CNTN5: variants seen among roughly 807,000 people sequenced by gnomAD.
CNTN5 encodes contactin-5.
CNTN5 carries 77 observed loss-of-function variants against 129.1 expected under a neutral mutation model. That is an observed-to-expected ratio of 0.60 (90% CI 0.50 to 0.72). The LOEUF (loss-of-function observed/expected upper bound fraction) is 0.72. CNTN5 is among the 30% of genes least tolerant of loss of function. The pLI is 0.00. For synonymous variants in CNTN5, 509 were observed against 465.6 expected (o/e 1.09, Z -1.20); for missense variants, 1,478 against 1,328.8 (o/e 1.11, Z -1.75).
In CNTN5 at chr11:99,481,097, G is replaced by T. The variant is rs1158686; in HGVS notation, c.-70-75048G>T. 2.6e-5 allele frequency among the ~76,000 whole-genome samples: 4 copies of T among 151,558 alleles called. No homozygotes were observed. The East Asian group carries it at 7.8e-4, about 29-fold the overall frequency. On this transcript the variant is annotated intron_variant, in intron 2 of 24. Transcript: ENST00000524871. ...TATATCTCAGTTCCACAGAGGATTG[G>T]CATTTAAAAAAAAAAGAATATTGCA...
chr11:99,464,027 G>A (rs1425699370), intron 2 of CNTN5, among the ~76,000 whole-genome samples: 1 of 152,126 alleles, frequency 6.6e-6, no homozygotes, highest in Non-Finnish European at 1.5e-5. Context: ...GTGAATTTTT[G>A]AAGCTCTCTT....
intron 9 of CNTN5, among the ~76,000 whole-genome samples, chr11:100,026,332 T>G (rs1703092520): frequency 6.6e-6 from 1 of 152,120 alleles, no homozygotes; most frequent in Non-Finnish European, 1.5e-5. Flanking sequence ...TTGAGTCAAT[T>G]AAACCACTTT....
intron 3 of CNTN5, among the ~76,000 whole-genome samples, chr11:99,563,441 A>G (rs1342202251): frequency 2.0e-5 from 3 of 152,210 alleles, no homozygotes; most frequent in African/African-American, 7.2e-5. Context: ...ATGTGTTTTA[A>G]GGCTGGAGAA....
chr11:99,692,779 A>C (rs540998376), intron 3 of CNTN5, among the ~76,000 whole-genome samples: 1 of 152,290 alleles, frequency 6.6e-6, no homozygotes, highest in Admixed American at 6.5e-5. Flanking sequence ...ATAGTAAAGG[A>C]GAATCCTTTA....
At chr11:100,038,747 T>C (rs974074830) in intron 9 of CNTN5, among the ~76,000 whole-genome samples, 7 of 152,254 alleles carry the variant, frequency 4.6e-5, no homozygotes, top group Non-Finnish European at 1.0e-4. Flanking sequence ...TCTTTTGATC[T>C]TTGTTGGTTT....
At chr11:100,261,821 G>C (rs951435400) in intron 17 of CNTN5, among the ~76,000 whole-genome samples, 3 of 152,170 alleles carry the variant, frequency 2.0e-5, no homozygotes, top group Admixed American at 2.0e-4. Flanking sequence ...AGACTTAAAC[G>C]TAAGACCTAA....
chr11:99,271,187 T>C (rs1387950834), intron 1 of CNTN5, among the ~76,000 whole-genome samples: 4 of 151,908 alleles, frequency 2.6e-5, no homozygotes, highest in African/African-American at 7.2e-5. Flanking sequence ...AAAAGTTAAT[T>C]TAATCAGACT....
At chr11:100,008,290 C>T (rs1293984619) in intron 9 of CNTN5, among the ~76,000 whole-genome samples, 1 of 151,996 alleles carries the variant, frequency 6.6e-6, no homozygotes, top group Non-Finnish European at 1.5e-5. Context: ...TGCCACAGAC[C>T]TTCAATTTGT....
chr11:100,224,724 C>T lies in CNTN5; in HGVS notation c.1917C>T (p.Asn639=), dbSNP rs1480002431. 1.2e-6 allele frequency: 2 copies of T among 1,612,352 alleles called. No individual in the cohort carries two copies. ...CCTCTGCAGATTTAATGATCAGGAA[C>T]ATCCTTCTGATGCATGCTGGGAGAT... The part of the protein sequence containing the change: ...QASSADLMIR[N]ILLMHAGRYG... Residue 639 remains asparagine (N), a synonymous_variant, in exon 16 of 25, where the codon AAC becomes AAT. Transcript: ENST00000524871.
intron 3 of CNTN5, among the ~76,000 whole-genome samples, chr11:99,682,470 C>A (rs941715133): frequency 6.6e-6 from 1 of 151,778 alleles, no homozygotes; most frequent in Non-Finnish European, 1.5e-5. Flanking sequence ...ACTATAAATA[C>A]AAAAATAATC....
At chr11:99,859,312 G>A (rs1184072201) in intron 6 of CNTN5, among the ~76,000 whole-genome samples, 1 of 152,144 alleles carries the variant, frequency 6.6e-6, no homozygotes, top group Non-Finnish European at 1.5e-5. Context: ...ATGTACATAT[G>A]CACATTTAGG....
chr11:99,057,733 C>T (rs1051231333), intron 1 of CNTN5, among the ~76,000 whole-genome samples: 3 of 150,628 alleles, frequency 2.0e-5, no homozygotes, highest in Non-Finnish European at 4.4e-5. Flanking sequence ...AGCTTATATC[C>T]TAGTAGGGCT....
intron 1 of CNTN5, among the ~76,000 whole-genome samples, chr11:99,157,718 A>C (rs1860403413): frequency 6.6e-6 from 1 of 152,178 alleles, no homozygotes; most frequent in African/African-American, 2.4e-5. Context: ...TCTCAGTATG[A>C]TTAGCTTGAG....
intron 13 of CNTN5, among the ~76,000 whole-genome samples, chr11:100,081,575 A>G (rs1944365646): frequency 6.6e-6 from 1 of 152,158 alleles, no homozygotes; most frequent in Non-Finnish European, 1.5e-5. Context: ...GAATCCAGCA[A>G]TGGGGTGAGA....
intron 6 of CNTN5, among the ~76,000 whole-genome samples, chr11:99,871,955 A>G (rs1461888318): frequency 6.6e-6 from 1 of 151,590 alleles, no homozygotes; most frequent in Non-Finnish European, 1.5e-5. Flanking sequence ...CAAATGCCAC[A>G]TTAATATTGT....
intron 3 of CNTN5, among the ~76,000 whole-genome samples, chr11:99,735,665 G>A (rs780008486): frequency 6.6e-6 from 1 of 152,160 alleles, no homozygotes; most frequent in Non-Finnish European, 1.5e-5. Flanking sequence ...CATCTTTACT[G>A]AGGTATAATT....
chr11:99,179,450 AAAAT>A (rs566260451), intron 1 of CNTN5, among the ~76,000 whole-genome samples: 113 of 152,312 alleles, frequency 7.4e-4, no homozygotes, highest in Middle Eastern at 3.4e-3. Flanking sequence ...TCAAAAGTAA[AAAAT>A]AAATAAATAA....
rs1366813569 is a variant in CNTN5 at position 99,352,517 on chromosome 11, C to T, written c.-71+27033C>T. Among the ~76,000 whole-genome samples, 3 of 151,868 alleles carry T rather than the reference C, an allele frequency of 2.0e-5. No homozygotes were observed. In the East Asian group the frequency reaches 5.8e-4, roughly 29 times the overall value. ...GTCAAACATACCAAAATTTTCTTTT[C>T]TTTTTTTTCTATAACTGATCTCATG... On this transcript the variant is annotated intron_variant, in intron 2 of 24. Transcript: ENST00000524871.
chr11:100,278,053 T>A (rs1434353734), intron 18 of CNTN5, among the ~76,000 whole-genome samples: 2 of 152,138 alleles, frequency 1.3e-5, no homozygotes, highest in African/African-American at 4.8e-5. Flanking sequence ...CCAGAACTAT[T>A]TAGTGAAGAG....
Sources: gnomAD v4.1 joint callset for allele counts (sites outside exome capture counted in the v4.1 genomes callset) on GRCh38, gnomAD v4.1.1 for gene constraint, MANE v1.5 for transcripts, NCBI Gene and HGNC (gene_info 2026-07-23, HGNC 2026-07-21) for gene names.